PTPRD: variants seen among roughly 807,000 people sequenced by gnomAD.
PTPRD encodes the protein receptor-type tyrosine-protein phosphatase delta.
In PTPRD, 34 loss-of-function variants were observed where a neutral mutation model predicts 214.5. The observed-to-expected ratio is 0.16, with a 90% CI of 0.12 to 0.21. PTPRD has a LOEUF of 0.21. Ranked by LOEUF, PTPRD falls within the 10% of genes least tolerant of loss-of-function variation. PTPRD has a pLI of 1.00. For synonymous variants in PTPRD, 1,128 were observed against 845.7 expected (o/e 1.33, Z -5.79); for missense variants, 2,545 against 2,398.7 (o/e 1.06, Z -1.27).
At chr9:10,553,728 G>C (rs2131224602) in intron 2 of PTPRD, among the ~76,000 whole-genome samples, 1 of 152,102 alleles carries the variant, frequency 6.6e-6, no homozygotes, top group Admixed American at 6.5e-5. Flanking sequence ...TATTCAAAGA[G>C]AGAGAGAAGG....
intron 14 of PTPRD, among the ~76,000 whole-genome samples, chr9:8,564,974 A>C (rs1040936425): frequency 6.6e-6 from 1 of 152,228 alleles, no homozygotes; most frequent in African/African-American, 2.4e-5. Context: ...GTTGGATAAA[A>C]ATCCTCAGCA....
At chr9:8,988,582 G>C (rs891040106) in intron 11 of PTPRD, among the ~76,000 whole-genome samples, 11 of 152,064 alleles carry the variant, frequency 7.2e-5, no homozygotes, top group African/African-American at 2.4e-4. Flanking sequence ...CAGTTCCTCT[G>C]TTGATGGGCT....
intron 7 of PTPRD, among the ~76,000 whole-genome samples, chr9:9,724,790 G>A (rs548558154): frequency 6.6e-6 from 1 of 152,240 alleles, no homozygotes; most frequent in South Asian, 2.1e-4. Context: ...AGGAAATGGA[G>A]GTACACAGAC....
chr9:8,834,742 C>CAA (rs1566475317), intron 11 of PTPRD, among the ~76,000 whole-genome samples: 1 of 152,098 alleles, frequency 6.6e-6, no homozygotes, highest in East Asian at 1.9e-4. Flanking sequence ...ACCCACAGAC[C>CAA]AAAACAATGA....
At chr9:9,419,666 C>T (rs1556463) in intron 8 of PTPRD, among the ~76,000 whole-genome samples, 121,036 of 151,488 alleles carry the variant, frequency 0.8, 48,491 homozygotes, top group Non-Finnish European at 0.82. Context: ...TTATTAGTTA[C>T]TGGAATTTGT....
intron 10 of PTPRD, among the ~76,000 whole-genome samples, chr9:9,164,818 G>A (rs2099898595): frequency 6.6e-6 from 1 of 151,614 alleles, no homozygotes; most frequent in African/African-American, 2.4e-5. Flanking sequence ...TTCGTGACCA[G>A]CCTGGCCAAC....
intron 3 of PTPRD, among the ~76,000 whole-genome samples, chr9:10,239,342 C>A (rs955346988): frequency 6.6e-6 from 1 of 151,890 alleles, no homozygotes; most frequent in Non-Finnish European, 1.5e-5. Context: ...TCATTAAAGA[C>A]ATTCTATGTA....
intron 14 of PTPRD, among the ~76,000 whole-genome samples, chr9:8,624,828 G>C (rs1386403777): frequency 6.6e-6 from 1 of 151,756 alleles, no homozygotes; most frequent in Non-Finnish European, 1.5e-5. Flanking sequence ...TGTCTTTGTA[G>C]TTCTCTTTCC....
chr9:8,388,256 G>C (rs2135570817), intron 37 of PTPRD, among the ~76,000 whole-genome samples: 1 of 152,256 alleles, frequency 6.6e-6, no homozygotes, highest in Non-Finnish European at 1.5e-5. Flanking sequence ...GTTGAGCTTA[G>C]AAGAACATTT....
intron 8 of PTPRD, among the ~76,000 whole-genome samples, chr9:9,572,601 GTA>G (rs138236904): frequency 0.04 from 5,842 of 145,344 alleles, 398 homozygotes; most frequent in African/African-American, 0.14. Context: ...ATGTATATGT[GTA>G]TATATATATC....
At chr9:9,738,506 C>T (rs949772877) in intron 6 of PTPRD, among the ~76,000 whole-genome samples, 3 of 130,610 alleles carry the variant, frequency 2.3e-5, no homozygotes, top group Non-Finnish European at 4.6e-5. Context: ...ACCATCAGTG[C>T]GATCTTGGCT....
chr9:9,461,766 A>G (rs778370154), intron 8 of PTPRD, among the ~76,000 whole-genome samples: 1 of 152,262 alleles, frequency 6.6e-6, no homozygotes, highest in South Asian at 2.1e-4. Context: ...CCAGACCTAG[A>G]GTGAAGGCAT....
At chr9:9,620,890 A>G (rs1190171131) in intron 7 of PTPRD, among the ~76,000 whole-genome samples, 1 of 151,716 alleles carries the variant, frequency 6.6e-6, no homozygotes, top group Non-Finnish European at 1.5e-5. Flanking sequence ...AGAGCAAAGC[A>G]TTAGTAGGCA....
chr9:8,734,542 A>G (rs1598308423), intron 11 of PTPRD, among the ~76,000 whole-genome samples: 2 of 152,262 alleles, frequency 1.3e-5, no homozygotes, highest in South Asian at 2.1e-4. Flanking sequence ...AGTCAAAACA[A>G]TAGTTAGCAT....
At chr9:9,945,551 C>G (rs1433295165) in intron 4 of PTPRD, among the ~76,000 whole-genome samples, 2 of 152,060 alleles carry the variant, frequency 1.3e-5, no homozygotes, top group African/African-American at 2.4e-5. Flanking sequence ...TCTCCTGTGT[C>G]CAAGGTGGCA....
intron 2 of PTPRD, among the ~76,000 whole-genome samples, chr9:10,347,229 TC>T (rs2097100094): frequency 6.6e-6 from 1 of 152,076 alleles, no homozygotes; most frequent in Non-Finnish European, 1.5e-5. Flanking sequence ...TAGTCCTGCC[TC>T]TATGAGCATA....
intron 7 of PTPRD, among the ~76,000 whole-genome samples, chr9:9,724,228 C>T (rs2098031514): frequency 6.6e-6 from 1 of 152,084 alleles, no homozygotes; most frequent in South Asian, 2.1e-4. Flanking sequence ...TTTCAATGTA[C>T]CTGTTCTTTT....
chr9:8,570,802 C>G (rs1242944477), intron 14 of PTPRD, among the ~76,000 whole-genome samples: 1 of 151,920 alleles, frequency 6.6e-6, no homozygotes. Flanking sequence ...TCCTCTTTGT[C>G]TGCACAAAGC....
At chr9:10,456,603 CAAATTCT>C (rs769026368) in intron 2 of PTPRD, among the ~76,000 whole-genome samples, 11 of 151,824 alleles carry the variant, frequency 7.2e-5, no homozygotes, top group Non-Finnish European at 1.6e-4. Flanking sequence ...AAAAAGAACA[CAAATTCT>C]GGCAAAACAG....
Sources: allele counts gnomAD v4.1 joint callset (sites outside exome capture counted in the v4.1 genomes callset), GRCh38; gene constraint gnomAD v4.1.1; transcripts MANE v1.5; gene names NCBI Gene and HGNC (gene_info 2026-07-23, HGNC 2026-07-21).